YEATS2: variants seen among roughly 807,000 people sequenced by gnomAD.
YEATS2 encodes the protein YEATS domain-containing protein 2.
YEATS2 carries 77 observed loss-of-function variants against 163.2 expected under a neutral mutation model. The ratio of observed to expected loss-of-function variants is 0.47; its 90% confidence interval spans 0.39 to 0.57. The LOEUF is 0.57. Ranked by LOEUF, YEATS2 falls within the 20% of genes least tolerant of loss-of-function variation. YEATS2 has a pLI of 0.00. For missense variants in YEATS2, 1,549 were observed against 1,729.8 expected, an observed-to-expected ratio of 0.90 and a Z score of 1.85; for synonymous variants, 631 against 645.1, an observed-to-expected ratio of 0.98 and a Z score of 0.33.
At chr3:183,806,306 A>C (rs1347832544) in intron 27 of YEATS2, 4 of 456,106 alleles carry the variant, frequency 8.8e-6, no homozygotes, top group Non-Finnish European at 1.8e-5. Flanking sequence ...GGGTGCCCTT[A>C]AATCTTGTAC....
At position 183,803,328 on chromosome 3, in the gene YEATS2, C is replaced by T; in HGVS notation, c.3575C>T (p.Ala1192Val). ...YYGWNIGKRR[A>V]AEWQRAMTMR... ...GGCTGGAACATTGGAAAAAGGAGAGCCGCTGAGGTAACCCACATCTGCCTG... is the reference window on the plus strand; with the variant it reads ...GGCTGGAACATTGGAAAAAGGAGAGTCGCTGAGGTAACCCACATCTGCCTG... Residue 1192 changes from alanine (A) to valine (V), a missense_variant, in exon 26 of 31, where the codon GCC becomes GTC. Transcript: ENST00000305135. The T allele has an allele frequency of 6.2e-7, 1 of 1,610,408 alleles. No individual in the cohort carries two copies. The highest frequency in any genetic ancestry group is 8.5e-7 in the Non-Finnish European group (1 of 1,179,172).
At position 183,810,801 on chromosome 3, in the gene YEATS2, G is replaced by T; in HGVS notation, c.*218G>T. ...TGTTTCCTGAGTGTGGAGTGAGGCTGTCAGTGGATCCGTGCTTTGTCGGCC... is the reference window on the plus strand; with the variant it reads ...TGTTTCCTGAGTGTGGAGTGAGGCTTTCAGTGGATCCGTGCTTTGTCGGCC... On this transcript the variant is annotated 3_prime_UTR_variant, in exon 31 of 31. Transcript: ENST00000305135. 1.8e-6 allele frequency: 1 copy of T among 541,646 alleles called. No individual in the cohort carries two copies. The highest frequency in any genetic ancestry group is 3.3e-6 in the Non-Finnish European group (1 of 300,432). 33.6% of individuals were successfully genotyped at this position (541,646 alleles called of 1,614,324 possible). A position where few individuals can be genotyped will look rare whatever the true frequency, so the allele number is the denominator to read the frequency against.
At chr3:183,717,568 G>T (rs773068929) in intron 2 of YEATS2, 83 bp from the exon 3 acceptor site, 3 of 1,044,258 alleles carry the variant, frequency 2.9e-6, no homozygotes, top group Non-Finnish European at 4.2e-6. Flanking sequence ...CTATTTCTTG[G>T]ATTTCTTTTG....
At chr3:183,719,609 A>G (rs553286277) in intron 4 of YEATS2, among the ~76,000 whole-genome samples, 1 of 152,148 alleles carries the variant, frequency 6.6e-6, no homozygotes, top group Non-Finnish European at 1.5e-5. Flanking sequence ...AGTCTAGTGA[A>G]TGGCAATTTT....
In YEATS2 at chr3:183,779,682, TTTTA is replaced by T. The variant is rs200405994; in HGVS notation, c.2736+1998_2736+2001del. Among the ~76,000 whole-genome samples the T allele has an allele frequency of 0.011, 1,626 of 152,014 alleles. 66 individuals carry two copies. In the East Asian group the frequency reaches 0.14, roughly 13 times the overall value. ...TTTAACTTGACAGAGAAAACTTTAT[TTTTA>T]TTTATTTATTTATTTTTTATATATT... On this transcript the variant is annotated intron_variant, in intron 19 of 30. Coordinates refer to ENST00000305135, the MANE Select transcript of YEATS2 (RefSeq NM_018023.5).
In YEATS2 at chr3:183,810,297, A is replaced by G. The variant is rs144899438; in HGVS notation, c.4161-178A>G. The G allele has an allele frequency of 1.8e-3, 986 of 562,536 alleles. 2 individuals are homozygous for G. The highest frequency in any genetic ancestry group is 1.5e-3 in the Non-Finnish European group (476 of 311,342). The allele number at this position is 562,536 out of a possible 1,614,324, so 34.8% of individuals were successfully genotyped here. A position where few individuals can be genotyped will look rare whatever the true frequency, so the allele number is the denominator to read the frequency against. On this transcript the variant is annotated intron_variant, in intron 30 of 30. Transcript: ENST00000305135. ...CAACCAACTTGTTGACATCCTTCTC[A>G]TGCCTATGACAGGAAGGCAGTCCTC...
At chr3:183,700,572 T>TTTTTTC (rs1713950957) in intron 1 of YEATS2, among the ~76,000 whole-genome samples, 1 of 151,610 alleles carries the variant, frequency 6.6e-6, no homozygotes, top group African/African-American at 2.4e-5. Context: ...GTGAAGCAGA[T>TTTTTTC]TTTTTCTTTT....
intron 9 of YEATS2, among the ~76,000 whole-genome samples, chr3:183,750,393 G>A (rs536154022): frequency 6.6e-6 from 1 of 152,192 alleles, no homozygotes; most frequent in Non-Finnish European, 1.5e-5. Context: ...ATGAACGTAG[G>A]TGTACAGGTA....
At chr3:183,742,037 C>T (rs1719029405) in intron 8 of YEATS2, among the ~76,000 whole-genome samples, 1 of 144,136 alleles carries the variant, frequency 6.9e-6, no homozygotes, top group Non-Finnish European at 1.5e-5. Context: ...AATAAGACCT[C>T]ATCTCTACAA....
intron 10 of YEATS2, among the ~76,000 whole-genome samples, chr3:183,753,269 A>G (rs1346575394): frequency 6.6e-6 from 1 of 152,186 alleles, no homozygotes; most frequent in Non-Finnish European, 1.5e-5. Context: ...AAATTTAACA[A>G]ATATATGTGT....
intron 1 of YEATS2, among the ~76,000 whole-genome samples, chr3:183,701,426 G>C (rs1324033552): frequency 6.6e-6 from 1 of 151,706 alleles, no homozygotes; most frequent in African/African-American, 2.4e-5. Context: ...TGTCTCTGTC[G>C]CCCAGGCTGG....
At chr3:183,738,906 G>A (rs1268047596) in intron 8 of YEATS2, among the ~76,000 whole-genome samples, 1 of 144,804 alleles carries the variant, frequency 6.9e-6, no homozygotes, top group Non-Finnish European at 1.5e-5. Context: ...ATAGTCCTTT[G>A]GGTATATACC....
intron 8 of YEATS2, among the ~76,000 whole-genome samples, chr3:183,745,156 C>CCACTATTCCTAGGCTGCTA (rs1719393476): frequency 6.6e-6 from 1 of 152,156 alleles, no homozygotes; most frequent in Non-Finnish European, 1.5e-5. Context: ...TGGCCCCTGC[C>CCACTATTCCTAGGCTGCTA]CACTATTCCT....
intron 27 of YEATS2, 107 bp downstream of exon 27, chr3:183,804,295 T>C: frequency 7.5e-7 from 1 of 1,339,442 alleles, no homozygotes; most frequent in South Asian, 1.4e-5. Context: ...CGAGAGCCTT[T>C]CCTACCTCCT....
intron 1 of YEATS2, 44 bp downstream of exon 1, chr3:183,698,037 C>T (rs941827917): frequency 1.3e-5 from 2 of 152,008 alleles, no homozygotes; most frequent in South Asian, 2.1e-4. Flanking sequence ...GGGAGCGCGC[C>T]CCGCTCTCCG....
chr3:183,792,034 G>A (rs1027486951), intron 21 of YEATS2, among the ~76,000 whole-genome samples: 5 of 152,134 alleles, frequency 3.3e-5, no homozygotes, highest in Admixed American at 1.3e-4. Flanking sequence ...ATAAACAATT[G>A]CCACTGCCAT....
chr3:183,801,889 T>G (rs1247186051), intron 25 of YEATS2: 1 of 161,596 alleles, frequency 6.2e-6, no homozygotes, highest in Admixed American at 6.4e-5. Flanking sequence ...GTTCACTGTC[T>G]CATATAATCC....
intron 1 of YEATS2, among the ~76,000 whole-genome samples, chr3:183,714,758 A>G (rs1393858545): frequency 6.6e-6 from 1 of 152,132 alleles, no homozygotes; most frequent in African/African-American, 2.4e-5. Flanking sequence ...TGGGCTAACC[A>G]TGTTTTCATC....
intron 4 of YEATS2, among the ~76,000 whole-genome samples, chr3:183,720,623 A>G (rs866397751): frequency 6.6e-6 from 1 of 152,170 alleles, no homozygotes; most frequent in African/African-American, 2.4e-5. Context: ...TAAACGGTAG[A>G]CAGGTGCTTC....
Sources: gnomAD v4.1 joint callset for allele counts (sites outside exome capture counted in the v4.1 genomes callset) on GRCh38, gnomAD v4.1.1 for gene constraint, MANE v1.5 for transcripts, NCBI Gene and HGNC (gene_info 2026-07-23, HGNC 2026-07-21) for gene names.